NCAPG2: variants seen among roughly 807,000 people sequenced by gnomAD.
NCAPG2 encodes the protein non-SMC condensin II complex subunit G2, also known as condensin-2 complex subunit G2.
NCAPG2 carries 53 observed loss-of-function variants against 141.1 expected under a neutral mutation model. The ratio of observed to expected loss-of-function variants is 0.38; its 90% CI spans 0.30 to 0.47. NCAPG2 has a LOEUF of 0.47. Among genes scored for constraint, NCAPG2 ranks in the 20% least tolerant of loss-of-function variants. NCAPG2 has a pLI of 0.99. For synonymous variants in NCAPG2, 499 were observed against 490.7 expected (o/e 1.02, Z -0.22); for missense variants, 1,087 against 1,389.0 (o/e 0.78, Z 3.46).
At chr7:158,684,429 C>T (rs1170806298) in intron 8 of NCAPG2, among the ~76,000 whole-genome samples, 4 of 152,086 alleles carry the variant, frequency 2.6e-5, no homozygotes, top group Non-Finnish European at 5.9e-5. Context: ...TTGTTGAGTC[C>T]TAATTCAAAA....
chr7:158,690,576 T>A lies in NCAPG2; in HGVS notation c.529A>T (p.Thr177Ser). 6.2e-7 allele frequency: 1 copy of A among 1,613,870 alleles called. No homozygotes were observed. The highest frequency in any genetic ancestry group is 1.3e-5 in the African/African-American group (1 of 75,022). ...ATAAAAAGTGAGCATACTGTCTTAG[T>A]CTCCAGACTCCTCCTTAGTAACATG... ...FVMLLRRSLE[T>S]KTGADVCRLW... is the part of the protein sequence containing the mutation. Residue 177 changes from threonine to serine, a missense_variant, in exon 5 of 28, where the codon ACT (threonine) becomes TCT (serine). Transcript: ENST00000356309.
intron 4 of NCAPG2, among the ~76,000 whole-genome samples, chr7:158,692,417 T>C (rs558863818): frequency 5.8e-4 from 89 of 152,386 alleles, no homozygotes; most frequent in Non-Finnish European, 1.1e-3. Context: ...TATACCTTTA[T>C]ACAACTTCTG....
chr7:158,682,398 C>T (rs1202637543), intron 9 of NCAPG2, among the ~76,000 whole-genome samples: 1 of 152,042 alleles, frequency 6.6e-6, no homozygotes, highest in African/African-American at 2.4e-5. Context: ...TAAATATATG[C>T]AATCACGATT....
intron 22 of NCAPG2, among the ~76,000 whole-genome samples, chr7:158,652,747 A>T (rs1224906624): frequency 6.6e-6 from 1 of 152,234 alleles, no homozygotes; most frequent in African/African-American, 2.4e-5. Context: ...TAAACTAAAA[A>T]TTGTGTTCAT....
chr7:158,637,308 A>C (rs908008576), intron 27 of NCAPG2, among the ~76,000 whole-genome samples: 2 of 152,142 alleles, frequency 1.3e-5, no homozygotes, highest in Non-Finnish European at 2.9e-5. Flanking sequence ...TAAAGTACAT[A>C]ATTGAATGCA....
At chr7:158,684,216 A>T (rs544919124) in intron 8 of NCAPG2, among the ~76,000 whole-genome samples, 1 of 152,378 alleles carries the variant, frequency 6.6e-6, no homozygotes, top group African/African-American at 2.4e-5. Flanking sequence ...TGAGATACAC[A>T]GCACTACCTG....
At chr7:158,639,869 C>T (rs1001232051) in intron 27 of NCAPG2, 14 of 975,478 alleles carry the variant, frequency 1.4e-5, no homozygotes, top group African/African-American at 1.8e-5. Context: ...TATTAGCAAA[C>T]AGAATTCAAA....
At chr7:158,664,488 G>T in intron 14 of NCAPG2, 40 bp downstream of exon 14, 2 of 1,591,276 alleles carry the variant, frequency 1.3e-6, no homozygotes, top group Non-Finnish European at 1.7e-6. Context: ...GCTTTTGGGG[G>T]AAAACATAAC....
At chr7:158,681,913 CTCTT>C (rs1834474297) in intron 9 of NCAPG2, among the ~76,000 whole-genome samples, 1 of 152,082 alleles carries the variant, frequency 6.6e-6, no homozygotes, top group Non-Finnish European at 1.5e-5. Context: ...TGCCTGAAAC[CTCTT>C]TCAATATCAA....
intron 11 of NCAPG2, among the ~76,000 whole-genome samples, chr7:158,679,705 A>G (rs1323695954): frequency 6.6e-6 from 1 of 152,248 alleles, no homozygotes; most frequent in Non-Finnish European, 1.5e-5. Context: ...TATGCATAAA[A>G]TGTTTAAAAC....
intron 24 of NCAPG2, among the ~76,000 whole-genome samples, chr7:158,649,119 C>T (rs1328209924): frequency 6.6e-6 from 1 of 152,174 alleles, no homozygotes; most frequent in African/African-American, 2.4e-5. Flanking sequence ...TCAAAGTAGA[C>T]TTCATGAGGA....
intron 27 of NCAPG2, chr7:158,641,380 G>A: frequency 2.2e-6 from 1 of 464,162 alleles, no homozygotes; most frequent in Non-Finnish European, 3.8e-6. Flanking sequence ...TTTATATACT[G>A]TCTATAAAAA....
intron 27 of NCAPG2, among the ~76,000 whole-genome samples, chr7:158,637,872 G>C (rs530217944): frequency 6.6e-6 from 1 of 151,950 alleles, no homozygotes; most frequent in Non-Finnish European, 1.5e-5. Context: ...GGCTGGGCAC[G>C]GTGGCTCACC....
intron 16 of NCAPG2, among the ~76,000 whole-genome samples, chr7:158,659,643 GAT>G (rs1832319311): frequency 6.6e-6 from 1 of 152,058 alleles, no homozygotes; most frequent in Non-Finnish European, 1.5e-5. Flanking sequence ...CTCAATAAGA[GAT>G]ATTCTTGGCT....
intron 27 of NCAPG2, chr7:158,640,552 T>C (rs1237459120): frequency 2.0e-5 from 3 of 151,840 alleles, no homozygotes; most frequent in Non-Finnish European, 4.4e-5. Flanking sequence ...TAATAATAAA[T>C]TAAATAAAGT....
intron 13 of NCAPG2, 72 bp from the exon 14 acceptor site, chr7:158,664,822 A>G: frequency 7.5e-7 from 1 of 1,328,712 alleles, no homozygotes; most frequent in Non-Finnish European, 1.0e-6. Flanking sequence ...CTTAAGAAAA[A>G]TTTCAAGCAC....
At chr7:158,636,612 G>C (rs543950804) in intron 27 of NCAPG2, among the ~76,000 whole-genome samples, 36 of 152,076 alleles carry the variant, frequency 2.4e-4, no homozygotes, top group African/African-American at 8.7e-4. Flanking sequence ...ATGTTGGTCA[G>C]GCTGGACTTG....
In NCAPG2 at chr7:158,656,644, T is replaced by C. The variant is rs1376994996; in HGVS notation, c.2122A>G (p.Thr708Ala). ...CAGGAGCAGAGGCAATCCAACAAAG[T>C]GCAGTAGCTCTTGTCCACAGCGCCC... ...EEGAVDKSYC[T>A]LLDCLCSWGQ... The change falls in exon 18 of 28, where the codon ACT becomes GCT. Residue 708 changes from threonine to alanine, a missense_variant. Coordinates refer to ENST00000356309, the MANE Select transcript of NCAPG2 (RefSeq NM_017760.7). 1 of 1,614,100 alleles carries C rather than the reference T, an allele frequency of 6.2e-7. No homozygotes were observed.
At chr7:158,691,869 A>G (rs1563576232) in intron 4 of NCAPG2, among the ~76,000 whole-genome samples, 1 of 152,252 alleles carries the variant, frequency 6.6e-6, no homozygotes, top group African/African-American at 2.4e-5. Flanking sequence ...AGCAATGGTA[A>G]TCACATAATC....
Sources: allele counts gnomAD v4.1 joint callset (sites outside exome capture counted in the v4.1 genomes callset), GRCh38; gene constraint gnomAD v4.1.1; transcripts MANE v1.5; gene names NCBI Gene and HGNC (gene_info 2026-07-23, HGNC 2026-07-21).